The following HSPH1 variants were observed in gnomAD, a reference collection of about 807,000 sequenced individuals.
The protein encoded by HSPH1 is heat shock protein 105 kDa.
In HSPH1, 40 loss-of-function variants were observed where a neutral mutation model predicts 100.0. That is an observed-to-expected ratio of 0.40 (90% CI 0.31 to 0.52). The LOEUF is 0.52. Among genes scored for constraint, HSPH1 ranks in the 20% least tolerant of loss-of-function variants. HSPH1 has a pLI of 0.54. For synonymous variants in HSPH1, 403 were observed against 344.0 expected, an observed-to-expected ratio of 1.17 and a Z score of -1.90; for missense variants, 876 against 1,015.1, an observed-to-expected ratio of 0.86 and a Z score of 1.86.
chr13:31,138,990 A>AACGACCTACC lies in HSPH1; in HGVS notation c.2088_2088+9dup. On this transcript the variant is annotated intron_variant, in intron 15 of 17. Coordinates refer to ENST00000320027, the MANE Select transcript of HSPH1 (RefSeq NM_006644.4). ...ACAAGTACCACCTTTTGGGGGAGAA[A>AACGACCTACC]ACGACCTACCATTAATTCTTCCAAC... The AACGACCTACC allele has an allele frequency of 6.2e-7, 1 of 1,603,850 alleles. No homozygotes were observed. Among genetic ancestry groups the AACGACCTACC allele is most frequent in the Non-Finnish European group, 8.5e-7 (1 of 1,171,234 alleles).
intron 17 of HSPH1, among the ~76,000 whole-genome samples, chr13:31,138,126 T>C (rs1201010525): frequency 6.6e-6 from 1 of 152,156 alleles, no homozygotes; most frequent in African/African-American, 2.4e-5. Context: ...GGGCAGAGAC[T>C]ACACTTTGCA....
In HSPH1 at chr13:31,137,288, A is replaced by C; in HGVS notation, c.*30T>G. 1 of 1,313,862 alleles carries C rather than the reference A, an allele frequency of 7.6e-7. No individual in the cohort carries two copies. Among genetic ancestry groups the C allele is most frequent in the Non-Finnish European group, 1.1e-6 (1 of 924,062 alleles). The allele number at this position is 1,313,862 out of a possible 1,614,324, so 81.4% of individuals were successfully genotyped here. On this transcript the variant is annotated 3_prime_UTR_variant, in exon 18 of 18. Coordinates refer to ENST00000320027, the MANE Select transcript of HSPH1 (RefSeq NM_006644.4). ...CATACTATGGCAAAAATATTTTATT[A>C]ATTGAAGGAATAGGCCAATTTAAGG...
intron 14 of HSPH1, 91 bp from the exon 15 acceptor site, chr13:31,139,198 T>TC (rs1955998195): frequency 1.2e-6 from 1 of 812,838 alleles, no homozygotes; most frequent in East Asian, 2.5e-5. Flanking sequence ...AGGTAGCTAA[T>TC]CTTATCTAGG....
Position 31,161,485 on chromosome 13 carries a change from C to A in HSPH1, c.98G>T (p.Arg33Leu). 1 of 1,614,068 alleles carries A rather than the reference C, an allele frequency of 6.2e-7. No individual in the cohort carries two copies. The highest frequency in any genetic ancestry group is 8.5e-7 in the Non-Finnish European group (1 of 1,179,954). ...IETIANEFSD[R>L]CTPSVISFGS... Reference sequence around the variant, plus strand: ...GCAGACTCCCACTTACGGGGTGCACCGGTCGCTGAACTCATTGGCGATGGT... The same window carrying A: ...GCAGACTCCCACTTACGGGGTGCACAGGTCGCTGAACTCATTGGCGATGGT... Residue 33 changes from arginine to leucine, a missense_variant, in exon 1 of 18, where the codon CGG becomes CTG. Physicochemically the swap from Arg to Leu is moderately radical, Grantham distance 102 (BLOSUM62 -2). Transcript: ENST00000320027.
intron 4 of HSPH1, among the ~76,000 whole-genome samples, chr13:31,153,679 A>T (rs748458522): frequency 1.3e-5 from 2 of 152,168 alleles, no homozygotes; most frequent in East Asian, 3.8e-4. Flanking sequence ...TACCTAAGAG[A>T]GAGTTTAGTA....
chr13:31,149,741 G>C (rs1320340189), intron 8 of HSPH1, among the ~76,000 whole-genome samples: 1 of 152,094 alleles, frequency 6.6e-6, no homozygotes, highest in Non-Finnish European at 1.5e-5. Flanking sequence ...TTGATTTCCA[G>C]CTTGAGAAAC....
At chr13:31,143,963 G>C in intron 11 of HSPH1, 40 bp from the exon 12 acceptor site, 9 of 1,492,356 alleles carry the variant, frequency 6.0e-6, no homozygotes, top group Non-Finnish European at 8.1e-6. Flanking sequence ...TAGAAAGCAG[G>C]TGTACTTGTA....
chr13:31,141,104 T>A lies in HSPH1; in HGVS notation c.1854+18A>T, dbSNP rs772721166. 6.9e-7 allele frequency: 1 copy of A among 1,454,962 alleles called. No homozygotes were observed. The highest frequency in any genetic ancestry group is 9.3e-7 in the Non-Finnish European group (1 of 1,077,412). The allele number at this position is 1,454,962 out of a possible 1,614,324, so 90.1% of individuals were successfully genotyped here. A position where few individuals can be genotyped will look rare whatever the true frequency, so the allele number is the denominator to read the frequency against. On this transcript the variant is annotated intron_variant, in intron 13 of 17. Transcript: ENST00000320027. ...CTAAACATATTTCAAAATAAAAATATTTAATTGAAGTACTTACCTCTGTCT... is the reference window on the plus strand; with the variant it reads ...CTAAACATATTTCAAAATAAAAATAATTAATTGAAGTACTTACCTCTGTCT...
chr13:31,150,416 T>C (rs1956444336), intron 7 of HSPH1, among the ~76,000 whole-genome samples: 1 of 152,198 alleles, frequency 6.6e-6, no homozygotes, highest in African/African-American at 2.4e-5. Context: ...TCATTTTACA[T>C]GCTTATGACT....
chr13:31,136,177 A>G lies in HSPH1; in HGVS notation c.*1141T>C, dbSNP rs1256893984. On this transcript the variant is annotated 3_prime_UTR_variant, in exon 18 of 18. Transcript: ENST00000320027. ...TTATTTAGAACAGCAAAAATGAGAA[A>G]CACCTAAATCTACCAATAGCAAGAT... The G allele has an allele frequency of 1.3e-5, 2 of 152,226 alleles. No individual in the cohort carries two copies. The highest frequency in any genetic ancestry group is 6.5e-5 in the Admixed American group (1 of 15,284). The allele number at this position is 152,226 out of a possible 1,614,324, so 9.4% of individuals were successfully genotyped here. A position where few individuals can be genotyped will look rare whatever the true frequency, so the allele number is the denominator to read the frequency against.
chr13:31,144,514 T>A (rs1956204122), intron 11 of HSPH1, among the ~76,000 whole-genome samples: 1 of 152,140 alleles, frequency 6.6e-6, no homozygotes, highest in African/African-American at 2.4e-5. Flanking sequence ...ACAATCCTAA[T>A]TAAAAATTTG....
intron 14 of HSPH1, among the ~76,000 whole-genome samples, chr13:31,139,653 AC>A (rs1247951536): frequency 1.3e-5 from 2 of 152,044 alleles, no homozygotes; most frequent in Admixed American, 6.6e-5. Flanking sequence ...ACTTTAAATG[AC>A]CCGTAACTAA....
intron 4 of HSPH1, 125 bp downstream of exon 4, chr13:31,154,508 A>T: frequency 9.2e-7 from 1 of 1,081,412 alleles, no homozygotes; most frequent in South Asian, 1.3e-5. Context: ...AACACATGTT[A>T]ATACAGTCCA....
chr13:31,150,758 T>G (rs551042223), intron 7 of HSPH1, among the ~76,000 whole-genome samples, 189 bp downstream of exon 7: 1 of 152,298 alleles, frequency 6.6e-6, no homozygotes, highest in South Asian at 2.1e-4. Flanking sequence ...GCAAAGGTAT[T>G]TTTAAAAGCC....
Position 31,143,901 on chromosome 13 carries a change from C to T in HSPH1, c.1607G>A (p.Ser536Asn), listed in dbSNP as rs1485181295. ...DTDKNVQQDNSEAGTQPQVQT... is the reference protein window; with the variant it reads ...DTDKNVQQDNNEAGTQPQVQT... ...TACCTGGGGCTGTGTTCCAGCTTCA[C>T]TGTTGTCTTGCTGGACATTTTTCTG... The change falls in exon 12 of 18, where the codon AGT becomes AAT. Residue 536 changes from serine (S) to asparagine (N), a missense_variant. Physicochemically the swap from Ser to Asn is conservative, Grantham distance 46. Transcript: ENST00000320027. The T allele has an allele frequency of 3.1e-6, 5 of 1,604,390 alleles. No individual in the cohort carries two copies. In the South Asian group the frequency reaches 3.3e-5, roughly 11 times the overall value.
At chr13:31,162,182 A>G (rs962892981), upstream of HSPH1, 18 of 1,175,568 alleles carry the variant, frequency 1.5e-5, no homozygotes, top group East Asian at 4.4e-4. Flanking sequence ...CTGCCCTAAT[A>G]AAACAGGCAA....
chr13:31,147,570 G>A (rs1222812781), intron 10 of HSPH1, among the ~76,000 whole-genome samples: 1 of 152,066 alleles, frequency 6.6e-6, no homozygotes, highest in African/African-American at 2.4e-5. Flanking sequence ...GCTGACTCAG[G>A]TTTTAAATTA....
chr13:31,156,843 T>C (rs916701526), intron 2 of HSPH1, among the ~76,000 whole-genome samples: 23 of 152,240 alleles, frequency 1.5e-4, no homozygotes, highest in African/African-American at 5.5e-4. Context: ...GGCGCACGTT[T>C]GTTAAACTGT....
chr13:31,142,656 T>C (rs1323012975), intron 12 of HSPH1, among the ~76,000 whole-genome samples: 1 of 152,024 alleles, frequency 6.6e-6, no homozygotes, highest in African/African-American at 2.4e-5. Context: ...CATTTCAACA[T>C]GGAATGGATG....
Sources: gnomAD v4.1 joint callset for allele counts (sites outside exome capture counted in the v4.1 genomes callset) on GRCh38, gnomAD v4.1.1 for gene constraint, MANE v1.5 for transcripts, NCBI Gene and HGNC (gene_info 2026-07-23, HGNC 2026-07-21) for gene names.